Variants in PLSCR2 observed in about 807,000 individuals in gnomAD.
PLSCR2 encodes the protein PL scramblase 2.
PLSCR2 carries 18 observed loss-of-function variants against 25.3 expected under a neutral mutation model. The observed-to-expected ratio is 0.71, with a 90% CI of 0.49 to 1.06. The LOEUF is 1.06. PLSCR2 is among the 50% of genes least tolerant of loss of function. The pLI, the probability that PLSCR2 is intolerant of heterozygous loss-of-function variation, is 0.00. For synonymous variants in PLSCR2, 88 were observed against 87.3 expected (o/e 1.01, Z -0.04); for missense variants, 243 against 269.5 (o/e 0.90, Z 0.69).
chr3:146,407,696 C>T (rs984045947), intron 2 of PLSCR2, among the ~76,000 whole-genome samples: 10 of 152,112 alleles, frequency 6.6e-5, no homozygotes, highest in Non-Finnish European at 1.0e-4. Flanking sequence ...TCAGTGTAAA[C>T]GTTAATATGT....
intron 1 of PLSCR2, among the ~76,000 whole-genome samples, chr3:146,490,353 C>A (rs2108575076): frequency 6.6e-6 from 1 of 152,252 alleles, no homozygotes; most frequent in South Asian, 2.1e-4. Context: ...GAGCTCTCTG[C>A]ATTCTGGGCT....
chr3:146,492,823 G>C (rs559564297), intron 1 of PLSCR2, among the ~76,000 whole-genome samples: 1 of 151,952 alleles, frequency 6.6e-6, no homozygotes, highest in Non-Finnish European at 1.5e-5. Flanking sequence ...ATGAATATGA[G>C]ATGTGAAAAA....
chr3:146,483,996 C>A (rs1576739768), intron 1 of PLSCR2, among the ~76,000 whole-genome samples: 1 of 151,488 alleles, frequency 6.6e-6, no homozygotes, highest in Admixed American at 6.6e-5. Context: ...CTTCACTGAG[C>A]TAAAGAAGCA....
intron 2 of PLSCR2, chr3:146,395,951 T>TA (rs1206188227): frequency 2.0e-5 from 6 of 298,746 alleles, no homozygotes; most frequent in Non-Finnish European, 3.9e-5. Flanking sequence ...AATCTTAGGA[T>TA]AAAAATCTGT....
Position 146,459,810 on chromosome 3 carries a change from T to G in PLSCR2, c.57+38A>C, listed in dbSNP as rs760233891. 1.8e-5 allele frequency: 26 copies of G among 1,415,442 alleles called. No homozygotes were observed. In the South Asian group the frequency reaches 3.0e-4, roughly 16 times the overall value. 87.7% of individuals were successfully genotyped at this position (1,415,442 alleles called of 1,614,324 possible). A position where few individuals can be genotyped will look rare whatever the true frequency, so the allele number is the denominator to read the frequency against. On this transcript the variant is annotated intron_variant, in intron 2 of 6. Coordinates refer to ENST00000610787, the Ensembl canonical transcript of PLSCR2. ...TGGTTCATAAACCAGAAAGAGAGTT[T>G]TTTTTTTTTTCTGAGTATTTTACGT...
At chr3:146,403,352 G>A (rs1180625780) in intron 2 of PLSCR2, among the ~76,000 whole-genome samples, 1 of 152,140 alleles carries the variant, frequency 6.6e-6, no homozygotes, top group African/African-American at 2.4e-5. Flanking sequence ...GAGGTCACCT[G>A]GAGGGCTTTA....
intron 2 of PLSCR2, among the ~76,000 whole-genome samples, chr3:146,417,103 A>G (rs2039022944): frequency 6.6e-6 from 1 of 152,146 alleles, no homozygotes; most frequent in African/African-American, 2.4e-5. Flanking sequence ...ATGCATCTCT[A>G]TGGAGCCAAA....
chr3:146,430,330 G>A (rs981724691), downstream of PLSCR2, among the ~76,000 whole-genome samples: 1 of 152,134 alleles, frequency 6.6e-6, no homozygotes, highest in South Asian at 2.1e-4. Flanking sequence ...AAGGCACAGG[G>A]AGAAACACAG....
chr3:146,467,557 G>A (rs1243122079), intron 1 of PLSCR2, among the ~76,000 whole-genome samples: 1 of 151,784 alleles, frequency 6.6e-6, no homozygotes, highest in Non-Finnish European at 1.5e-5. Flanking sequence ...GAGGAGTCAG[G>A]CAGTTAATAA....
chr3:146,472,855 G>C (rs886810080), intron 1 of PLSCR2, among the ~76,000 whole-genome samples: 5 of 152,200 alleles, frequency 3.3e-5, no homozygotes, highest in Non-Finnish European at 7.3e-5. Context: ...TCTAGAATTT[G>C]AGAAGTCCAA....
chr3:146,476,864 C>T (rs1370654724), intron 1 of PLSCR2, among the ~76,000 whole-genome samples: 1 of 152,242 alleles, frequency 6.6e-6, no homozygotes, highest in Non-Finnish European at 1.5e-5. Context: ...CTCCCTGGGC[C>T]TGAGCCCCTA....
intron 5 of PLSCR2, among the ~76,000 whole-genome samples, chr3:146,449,818 G>A (rs750884912): frequency 6.6e-6 from 1 of 152,142 alleles, no homozygotes; most frequent in South Asian, 2.1e-4. Flanking sequence ...AATATGAAGA[G>A]AGGCCTCACT....
chr3:146,469,510 C>T (rs562306972), intron 1 of PLSCR2: 10 of 985,204 alleles, frequency 1.0e-5, no homozygotes, highest in Middle Eastern at 5.2e-4. Flanking sequence ...GCTGCAGCTG[C>T]TCCCGCACAG....
At chr3:146,412,468 C>T (rs549757639) in intron 2 of PLSCR2, among the ~76,000 whole-genome samples, 15 of 152,112 alleles carry the variant, frequency 9.9e-5, no homozygotes, top group African/African-American at 2.7e-4. Flanking sequence ...GCTTACCACT[C>T]GTGCCCTCTG....
chr3:146,490,806 C>G (rs1423319739), intron 1 of PLSCR2, among the ~76,000 whole-genome samples: 1 of 152,096 alleles, frequency 6.6e-6, no homozygotes, highest in Non-Finnish European at 1.5e-5. Flanking sequence ...ATTCAGCTTG[C>G]CACTCTCTGC....
At chr3:146,484,229 A>G (rs936796256) in intron 1 of PLSCR2, among the ~76,000 whole-genome samples, 2 of 150,040 alleles carry the variant, frequency 1.3e-5, no homozygotes, top group Non-Finnish European at 3.0e-5. Context: ...GCAGGCATAC[A>G]AGATTAGAGA....
At chr3:146,471,850 C>T (rs2042131110) in intron 1 of PLSCR2, among the ~76,000 whole-genome samples, 1 of 152,174 alleles carries the variant, frequency 6.6e-6, no homozygotes, top group Non-Finnish European at 1.5e-5. Flanking sequence ...AGGCGTGAGC[C>T]ACCATGCCCG....
chr3:146,419,329 C>T (rs922913321), intron 2 of PLSCR2, among the ~76,000 whole-genome samples: 1 of 152,226 alleles, frequency 6.6e-6, no homozygotes, highest in South Asian at 2.1e-4. Context: ...ACATACAGTA[C>T]TGTTAATAAC....
chr3:146,415,023 TC>T (rs1337745101), intron 2 of PLSCR2: 1 of 152,632 alleles, frequency 6.6e-6, no homozygotes, highest in Non-Finnish European at 1.5e-5. Flanking sequence ...GGTTTAGCTT[TC>T]CTCAGACTTA....
Sources: gnomAD v4.1 joint callset for allele counts (sites outside exome capture counted in the v4.1 genomes callset) on GRCh38, gnomAD v4.1.1 for gene constraint, MANE v1.5 for transcripts, NCBI Gene and HGNC (gene_info 2026-07-23, HGNC 2026-07-21) for gene names.